The following PIEZO1 variants were observed in gnomAD, a reference collection of about 807,000 sequenced individuals.
PIEZO1 encodes piezo-type mechanosensitive ion channel component 1.
In PIEZO1, 296 loss-of-function variants were observed where a neutral mutation model predicts 297.2. The ratio of observed to expected loss-of-function variants is 1.00; its 90% CI spans 0.91 to 1.10. The LOEUF is 1.10. Among genes scored for constraint, PIEZO1 ranks in the 50% least tolerant of loss-of-function variants. The pLI, the probability that PIEZO1 is intolerant of heterozygous loss-of-function variation, is 0.00. For missense variants in PIEZO1, 5,018 were observed against 3,455.5 expected (o/e 1.45, Z -11.34); for synonymous variants, 2,427 against 1,507.5 (o/e 1.61, Z -14.13).
chr16:88,715,572 GGCTCCTTCCCTCTCGGGCGCCAGCAGCA>G lies in PIEZO1; in HGVS notation c.*5_*32del. 1.9e-6 allele frequency: 3 copies of G among 1,540,870 alleles called. No homozygotes were observed. Among genetic ancestry groups the G allele is most frequent in the Middle Eastern group, 1.8e-4 (1 of 5,526 alleles). ...TTGTGGCCACGCTGCCCAGCAGGCC[GGCTCCTTCCCTCTCGGGCGCCAGCAGCA>G]GCTCCTACTCCTTCTCACGAGTCCA... On this transcript the variant is annotated 3_prime_UTR_variant, in exon 51 of 51. Transcript: ENST00000301015.
At chr16:88,736,919 A>G in intron 10 of PIEZO1, 180 bp from the exon 11 acceptor site, 1 of 500,716 alleles carries the variant, frequency 2.0e-6, no homozygotes, top group African/African-American at 2.1e-5. Context: ...AGCGTCAGGG[A>G]TGGCCCTGCC....
In PIEZO1 at chr16:88,720,057, G is replaced by C; in HGVS notation, c.6164+12C>G. ...GCCCCTGGAGACCGAGCGCCCCCACGCGTGGGCCCACCTCTCAGTGACGGC... is the reference window on the plus strand; with the variant it reads ...GCCCCTGGAGACCGAGCGCCCCCACCCGTGGGCCCACCTCTCAGTGACGGC... On this transcript the variant is annotated intron_variant, in intron 42 of 50. Coordinates refer to ENST00000301015, the MANE Select transcript of PIEZO1 (RefSeq NM_001142864.4). The C allele has an allele frequency of 6.5e-7, 1 of 1,550,006 alleles. No individual in the cohort carries two copies. Among genetic ancestry groups the C allele is most frequent in the Admixed American group, 2.0e-5 (1 of 51,004 alleles).
chr16:88,719,480 C>T (rs1912272504), intron 44 of PIEZO1, 94 bp downstream of exon 44: 1 of 1,264,312 alleles, frequency 7.9e-7, no homozygotes, highest in Non-Finnish European at 1.1e-6. Context: ...GGAGGGCCTC[C>T]AGCACCACGG....
At position 88,720,632 on chromosome 16, in the gene PIEZO1, C is replaced by G. The variant is rs1912368826; in HGVS notation, c.5785G>C (p.Gly1929Arg). The G allele has an allele frequency of 6.5e-7, 1 of 1,546,540 alleles. No individual in the cohort carries two copies. The highest frequency in any genetic ancestry group is 8.7e-7 in the Non-Finnish European group (1 of 1,145,822). The stretch of plus-strand genomic sequence containing the variant: ...ATCACTCACAGGGACAGGCAGAAGC[C>G]CTGCAGCCGCCGCCCGGCCGCCCTT... ...RVRAAGRRLQ[G>R]FCLSLAQGTY... Residue 1929 changes from glycine to arginine, a missense_variant, in exon 40 of 51, where the codon GGC becomes CGC. Coordinates refer to ENST00000301015, the MANE Select transcript of PIEZO1 (RefSeq NM_001142864.4).
chr16:88,775,482 A>G (rs934099671), intron 1 of PIEZO1, among the ~76,000 whole-genome samples: 14 of 152,248 alleles, frequency 9.2e-5, no homozygotes, highest in African/African-American at 3.1e-4. Context: ...TAATCCCAGC[A>G]CTTTGGGAGG....
chr16:88,759,178 G>C lies in PIEZO1; in HGVS notation c.65-9699C>G, dbSNP rs556060880. 3.9e-5 allele frequency among the ~76,000 whole-genome samples: 6 copies of C among 152,384 alleles called. No individual in the cohort carries two copies. The South Asian group carries it at 1.0e-3, about 26-fold the overall frequency. On this transcript the variant is annotated intron_variant, in intron 1 of 50. Coordinates refer to ENST00000301015, the MANE Select transcript of PIEZO1 (RefSeq NM_001142864.4). ...TGGTCCAACCTTCCTCTCATCAAAG[G>C]AAACAGAAGCTGGGAAGGACATCAG... is the stretch of plus-strand genomic sequence containing the variant.
intron 44 of PIEZO1, 36 bp downstream of exon 44, chr16:88,719,538 G>T: frequency 6.5e-7 from 1 of 1,528,562 alleles, no homozygotes; most frequent in African/African-American, 1.4e-5. Flanking sequence ...GCATATCCCT[G>T]GCCCTTGTCC....
In PIEZO1 at chr16:88,734,358, G is replaced by A; in HGVS notation, c.2178C>T (p.His726=). The change falls in exon 16 of 51, where the codon CAC becomes CAT. Residue 726 remains histidine (H), a splice_region_variant and synonymous_variant. Coordinates refer to ENST00000301015, the MANE Select transcript of PIEZO1 (RefSeq NM_001142864.4). Reference sequence around the variant, plus strand: ...GGACAGGGAGGGCGGGGCCGCACCTGTGAGCCCAGCGCGGGAGGCGCGTGC... The same window carrying A: ...GGACAGGGAGGGCGGGGCCGCACCTATGAGCCCAGCGCGGGAGGCGCGTGC... ...LPGTRLPRWA[H]RQDAVSGTPL... is the part of the protein sequence containing the mutation. 1 of 1,528,578 alleles carries A rather than the reference G, an allele frequency of 6.5e-7. No homozygotes were observed. Among genetic ancestry groups the A allele is most frequent in the Non-Finnish European group, 8.8e-7 (1 of 1,134,992 alleles). The allele number at this position is 1,528,578 out of a possible 1,614,324, so 94.7% of individuals were successfully genotyped here.
intron 1 of PIEZO1, among the ~76,000 whole-genome samples, chr16:88,763,201 C>G (rs926358025): frequency 1.1e-4 from 17 of 152,168 alleles, no homozygotes; most frequent in African/African-American, 4.1e-4. Context: ...GGGCCGGCTC[C>G]TGGCGGCTCA....
At position 88,742,320 on chromosome 16, in the gene PIEZO1, T is replaced by C. The variant is rs141202337; in HGVS notation, c.263A>G (p.Asp88Gly). ...CTCACAGCTGGGTCCCAGGAGCTGG[T>C]CCAGGCGGGGCACAATATGCAGGCA... ...QICLHIVPRL[D>G]QLLGPSCSRW... Residue 88 changes from aspartate to glycine, a missense_variant, in exon 3 of 51, where the codon GAC (aspartate) becomes GGC (glycine). By Grantham distance (94) the Asp-to-Gly change is moderately conservative. Coordinates refer to ENST00000301015, the MANE Select transcript of PIEZO1 (RefSeq NM_001142864.4). 3,106 of 1,534,486 alleles carry C rather than the reference T, an allele frequency of 2.0e-3. 49 individuals are homozygous for C. The African/African-American group carries it at 0.037, about 18-fold the overall frequency.
At chr16:88,728,258 G>A (rs943225752) in intron 22 of PIEZO1, among the ~76,000 whole-genome samples, 1 of 152,264 alleles carries the variant, frequency 6.6e-6, no homozygotes, top group Non-Finnish European at 1.5e-5. Flanking sequence ...CCGGCCCCCG[G>A]CCACACTTCC....
Position 88,722,385 on chromosome 16 carries a change from C to T in PIEZO1, c.4788G>A (p.Ala1596=), listed in dbSNP as rs779767428. 580 of 1,505,082 alleles carry T rather than the reference C, an allele frequency of 3.9e-4. No individual in the cohort carries two copies. The highest frequency in any genetic ancestry group is 5.8e-4 in the African/African-American group (42 of 72,208). The allele number at this position is 1,505,082 out of a possible 1,614,324, so 93.2% of individuals were successfully genotyped here. The part of the protein sequence containing the change: ...APSTVSSGLG[A]EEPLSSMTDD... ...CTGTCATGCTGCTGAGTGGCTCCTC[C>T]GCGCCCAGCCCACTGGGGAGGGAAG... Residue 1596 remains alanine, a synonymous_variant, in exon 36 of 51, where the codon GCG becomes GCA. Coordinates refer to ENST00000301015, the MANE Select transcript of PIEZO1 (RefSeq NM_001142864.4).
chr16:88,737,690 C>G (rs1273559399), intron 9 of PIEZO1, 38 bp downstream of exon 9: 3 of 1,531,636 alleles, frequency 2.0e-6, no homozygotes, highest in Non-Finnish European at 2.6e-6. Context: ...TGGCCGGGCG[C>G]CCCCCACGCT....
chr16:88,722,181 C>G, intron 36 of PIEZO1, 37 bp downstream of exon 36: 4 of 1,534,552 alleles, frequency 2.6e-6, no homozygotes, highest in South Asian at 2.4e-5. Context: ...CCCCGAGGGC[C>G]ATGGTGAGGC....
intron 6 of PIEZO1, 24 bp downstream of exon 6, chr16:88,738,544 A>C (rs1212328503): frequency 2.6e-6 from 4 of 1,531,374 alleles, no homozygotes; most frequent in South Asian, 1.2e-5. Context: ...TGTGACTGCC[A>C]GTGCCCCCTG....
At position 88,759,806 on chromosome 16, in the gene PIEZO1, A is replaced by G. The variant is rs571585113; in HGVS notation, c.65-10327T>C. Among the ~76,000 whole-genome samples, 3 of 152,274 alleles carry G rather than the reference A, an allele frequency of 2.0e-5. No homozygotes were observed. The East Asian group carries it at 5.8e-4, about 29-fold the overall frequency. ...CCGTGCAGCGTTCACAGCAAGGTCT[A>G]TGGAGGTTCACACGGGCTGCATGGC... is the stretch of plus-strand genomic sequence containing the variant. On this transcript the variant is annotated intron_variant, in intron 1 of 50. Transcript: ENST00000301015.
chr16:88,735,098 G>T (rs779423801), intron 13 of PIEZO1, 37 bp downstream of exon 13: 1 of 1,549,682 alleles, frequency 6.5e-7, no homozygotes, highest in Non-Finnish European at 8.7e-7. Flanking sequence ...GGGCGGGCAG[G>T]CAGGAGGGCA....
chr16:88,726,643 G>A lies in PIEZO1; in HGVS notation c.3700C>T (p.Leu1234Phe), dbSNP rs768382384. Residue 1234 changes from leucine (L) to phenylalanine (F), a missense_variant and splice_region_variant, in exon 26 of 51, where the codon CTC becomes TTC. By Grantham distance (22) the Leu-to-Phe change is conservative (BLOSUM62 0). Transcript: ENST00000301015. The part of the protein sequence containing the change: ...TVIISKNMLS[L>F]LACVFVEQMQ... Reference sequence around the variant, plus strand: ...TGCTCCACGAAGACGCAGGCCAGGAGCTGGGGGAGAGCAGGGTCAGCGGGG... The same window carrying A: ...TGCTCCACGAAGACGCAGGCCAGGAACTGGGGGAGAGCAGGGTCAGCGGGG... 4.5e-6 allele frequency: 7 copies of A among 1,548,588 alleles called. No homozygotes were observed. Among genetic ancestry groups the A allele is most frequent in the South Asian group, 1.2e-5 (1 of 83,972 alleles).
At chr16:88,750,095 G>GA (rs1278552873) in intron 1 of PIEZO1, among the ~76,000 whole-genome samples, 1 of 151,970 alleles carries the variant, frequency 6.6e-6, no homozygotes, top group East Asian at 1.9e-4. Flanking sequence ...AGCAGTTTGG[G>GA]AGGCTGCAGC....
Sources: gnomAD v4.1 joint callset for allele counts (sites outside exome capture counted in the v4.1 genomes callset) on GRCh38, gnomAD v4.1.1 for gene constraint, MANE v1.5 for transcripts, NCBI Gene and HGNC (gene_info 2026-07-23, HGNC 2026-07-21) for gene names.